SCML2: variants seen among roughly 807,000 people sequenced by gnomAD.
The protein encoded by SCML2 is sex comb on midleg-like protein 2.
Under a neutral mutation model 48.4 loss-of-function variants are expected in SCML2, and 6 were observed. That is an observed-to-expected ratio of 0.12 (90% CI 0.07 to 0.24). The LOEUF is 0.24. SCML2 is among the 10% of genes least tolerant of loss of function. The pLI is 1.00. For synonymous variants in SCML2, 181 were observed against 189.5 expected, an observed-to-expected ratio of 0.95 and a Z score of 0.37; for missense variants, 377 against 528.2, an observed-to-expected ratio of 0.71 and a Z score of 2.81.
chrX:18,347,898 A>T (rs937603606), intron 1 of SCML2, among the ~76,000 whole-genome samples: 2 of 110,644 alleles, frequency 1.8e-5, no homozygotes, highest in Admixed American at 9.7e-5. Context: ...TAAAGAGTCC[A>T]CCCCAACAAA....
In SCML2 at chrX:18,289,644, G is replaced by T. The variant is rs1443211340; in HGVS notation, c.730+15328C>A. ...GCCACTTTTGACCTACTGTTACACA[G>T]AAAAATAAAAAGTGCTGCTTTATGT... is the stretch of plus-strand genomic sequence containing the variant. On this transcript the variant is annotated intron_variant, in intron 7 of 14. Coordinates refer to ENST00000251900, the MANE Select transcript of SCML2 (RefSeq NM_006089.3). Among the ~76,000 whole-genome samples, 5 of 111,972 alleles carry T rather than the reference G, an allele frequency of 4.5e-5. No homozygotes were observed. The South Asian group carries it at 1.1e-3, about 25-fold the overall frequency.
intron 1 of SCML2, among the ~76,000 whole-genome samples, chrX:18,337,551 A>G (rs1478329733): frequency 9.1e-6 from 1 of 110,496 alleles, no homozygotes; most frequent in East Asian, 2.8e-4. Context: ...TAAAGGGGTC[A>G]ATACTCAAAA....
chrX:18,279,005 T>G (rs546419203), intron 7 of SCML2, among the ~76,000 whole-genome samples: 6 of 112,504 alleles, frequency 5.3e-5, no homozygotes, highest in African/African-American at 1.9e-4. Context: ...ATTTCTCCAC[T>G]GCAACCCCTG....
chrX:18,305,331 C>T, intron 6 of SCML2, 116 bp from the exon 7 acceptor site: 2 of 647,924 alleles, frequency 3.1e-6, no homozygotes, highest in Non-Finnish European at 4.7e-6. Context: ...AAATTAAGCT[C>T]CATGTTTAAT....
chrX:18,287,697 C>A (rs762186291), intron 7 of SCML2, among the ~76,000 whole-genome samples: 1 of 111,731 alleles, frequency 9.0e-6, no homozygotes, highest in Admixed American at 9.5e-5. Flanking sequence ...AAATTTACAT[C>A]GTTTCCCTAC....
chrX:18,316,621 G>A (rs918620609), intron 6 of SCML2, among the ~76,000 whole-genome samples: 1 of 111,807 alleles, frequency 8.9e-6, no homozygotes, highest in Non-Finnish European at 1.9e-5. Context: ...CATGTTTATG[G>A]GCTAATGGTG....
intron 7 of SCML2, among the ~76,000 whole-genome samples, chrX:18,284,829 T>C (rs1927988612): frequency 9.0e-6 from 1 of 111,233 alleles, no homozygotes; most frequent in African/African-American, 3.3e-5. Context: ...TCACCTGAGG[T>C]CAGGAGTTCA....
intron 1 of SCML2, among the ~76,000 whole-genome samples, chrX:18,352,186 T>C (rs1930398488): frequency 1.8e-5 from 2 of 111,974 alleles, no homozygotes; most frequent in Non-Finnish European, 3.8e-5. Context: ...TCTGCAACAT[T>C]TTGAAAAAAC....
intron 7 of SCML2, among the ~76,000 whole-genome samples, chrX:18,268,639 G>C (rs1368830864): frequency 3.1e-5 from 3 of 96,989 alleles, no homozygotes; most frequent in East Asian, 6.3e-4. Flanking sequence ...AGGGAGGAGG[G>C]ATAGCATTGG....
intron 1 of SCML2, among the ~76,000 whole-genome samples, chrX:18,343,923 T>TAAAAAAAAA (rs1203495780): frequency 7.5e-5 from 4 of 53,298 alleles, no homozygotes; most frequent in African/African-American, 1.5e-4. Flanking sequence ...TGCCTCTATT[T>TAAAAAAAAA]AAAAAAAAAA....
chrX:18,285,549 C>T (rs749415415), intron 7 of SCML2, among the ~76,000 whole-genome samples: 2 of 109,631 alleles, frequency 1.8e-5, no homozygotes, highest in African/African-American at 3.3e-5. Flanking sequence ...TTGCAGACTA[C>T]GGGGGGGTGA....
intron 7 of SCML2, among the ~76,000 whole-genome samples, chrX:18,273,842 G>A (rs1391257780): frequency 9.1e-6 from 1 of 110,296 alleles, no homozygotes; most frequent in African/African-American, 3.3e-5. Flanking sequence ...GAAGTAGCTG[G>A]ACCTCAGAGA....
At chrX:18,333,345 G>A (rs1481193498) in intron 2 of SCML2, among the ~76,000 whole-genome samples, 1 of 111,772 alleles carries the variant, frequency 8.9e-6, no homozygotes, top group African/African-American at 3.2e-5. Context: ...AGTCTCCTGT[G>A]AGAAATACAC....
chrX:18,351,952 A>C (rs1001016475), intron 1 of SCML2, among the ~76,000 whole-genome samples: 1 of 111,650 alleles, frequency 9.0e-6, no homozygotes, highest in Non-Finnish European at 1.9e-5. Flanking sequence ...ACCATCATTA[A>C]TTATTTCTCA....
At chrX:18,246,887 A>G in intron 12 of SCML2, 59 bp from the exon 13 acceptor site, 1 of 1,063,184 alleles carries the variant, frequency 9.4e-7, no homozygotes, top group African/African-American at 1.9e-5. Context: ...AAATACTACT[A>G]AAAGGTTAAA....
At chrX:18,353,267 T>C (rs1461613545) in intron 1 of SCML2, among the ~76,000 whole-genome samples, 2 of 112,321 alleles carry the variant, frequency 1.8e-5, no homozygotes, top group Non-Finnish European at 3.8e-5. Flanking sequence ...CTCGCTGTTA[T>C]TGAAAAGAAT....
chrX:18,322,908 T>C (rs1245629723), intron 5 of SCML2, among the ~76,000 whole-genome samples: 4 of 111,314 alleles, frequency 3.6e-5, no homozygotes, highest in Non-Finnish European at 7.5e-5. Flanking sequence ...AAAAATATTT[T>C]TTAAACCAAA....
chrX:18,309,409 A>G (rs1442405668), intron 6 of SCML2, among the ~76,000 whole-genome samples: 1 of 111,563 alleles, frequency 9.0e-6, no homozygotes, highest in Non-Finnish European at 1.9e-5. Context: ...TTACCATTCG[A>G]CCCAGCAATC....
chrX:18,306,221 A>G (rs1161264563), intron 6 of SCML2, among the ~76,000 whole-genome samples: 1 of 111,502 alleles, frequency 9.0e-6, no homozygotes, highest in Non-Finnish European at 1.9e-5. Flanking sequence ...GGGAAATTCT[A>G]AGGTGCACTT....
Sources: allele counts gnomAD v4.1 joint callset (sites outside exome capture counted in the v4.1 genomes callset), GRCh38; gene constraint gnomAD v4.1.1; transcripts MANE v1.5; gene names NCBI Gene and HGNC (gene_info 2026-07-23, HGNC 2026-07-21).